SPMIP11: variants seen among roughly 807,000 people sequenced by gnomAD.
SPMIP11 encodes sperm microtubule inner protein 11, also known as long intergenic non-protein coding RNA 935.
At chr12:48,735,389 C>T in the SPMIP11 span, among the ~76,000 whole-genome samples, 2 of 152,188 alleles carry the variant, frequency 1.3e-5, no homozygotes. Flanking sequence ...GGGCAGATCA[C>T]CTGAGGTCAA....
chr12:48,766,628 C>T, the SPMIP11 span: 1 of 152,788 alleles, frequency 6.5e-6, no homozygotes, highest in African/African-American at 2.4e-5. Context: ...AATGAAGTAC[C>T]TGATGGCCCA....
the SPMIP11 span, chr12:48,768,938 T>C: frequency 6.2e-7 from 1 of 1,609,088 alleles, no homozygotes; most frequent in Non-Finnish European, 8.5e-7. Context: ...CCCCCTCACC[T>C]GGATTCGGTC....
chr12:48,729,742 A>G, the SPMIP11 span, among the ~76,000 whole-genome samples: 2 of 151,524 alleles, frequency 1.3e-5, no homozygotes, highest in Admixed American at 6.6e-5. Context: ...GTAAAGAACA[A>G]TCTTACACAG....
the SPMIP11 span, among the ~76,000 whole-genome samples, chr12:48,731,076 G>C: frequency 3.3e-5 from 5 of 152,328 alleles, no homozygotes; most frequent in African/African-American, 1.2e-4. Flanking sequence ...TATTTATGAG[G>C]ACAAATGATG....
the SPMIP11 span, among the ~76,000 whole-genome samples, chr12:48,740,294 A>G: frequency 7.2e-5 from 11 of 152,272 alleles, no homozygotes; most frequent in African/African-American, 2.4e-4. Context: ...TGTCTCTACT[A>G]TAATATCTAT....
the SPMIP11 span, chr12:48,765,010 G>C: frequency 1.0e-5 from 7 of 701,298 alleles, no homozygotes; most frequent in Non-Finnish European, 1.8e-5. Context: ...GGCTGGGAGG[G>C]GTAAGGGTGG....
At chr12:48,732,110 C>G in the SPMIP11 span, among the ~76,000 whole-genome samples, 5,364 of 149,586 alleles carry the variant, frequency 0.036, 143 homozygotes, top group African/African-American at 0.072. Flanking sequence ...GATTGCGCCA[C>G]TGCACTCCAG....
the SPMIP11 span, among the ~76,000 whole-genome samples, chr12:48,764,509 A>T: frequency 6.6e-6 from 1 of 152,176 alleles, no homozygotes; most frequent in African/African-American, 2.4e-5. Flanking sequence ...GATTAAGCCA[A>T]GAAGAAAGAA....
the SPMIP11 span, chr12:48,736,016 T>C: frequency 2.4e-6 from 1 of 417,180 alleles, no homozygotes; most frequent in Non-Finnish European, 4.7e-6. Flanking sequence ...GTCTTACAAC[T>C]ATGTAAAAAA....
the SPMIP11 span, among the ~76,000 whole-genome samples, chr12:48,740,135 C>A: frequency 6.6e-6 from 1 of 151,918 alleles, no homozygotes; most frequent in Non-Finnish European, 1.5e-5. Context: ...GGAAATAAAG[C>A]CAATAAGGTC....
chr12:48,754,576 G>A, the SPMIP11 span, among the ~76,000 whole-genome samples: 15 of 151,966 alleles, frequency 9.9e-5, no homozygotes, highest in South Asian at 2.9e-3. Context: ...TCAGCCTCTC[G>A]AGTAGCTGGG....
chr12:48,761,212 C>T, the SPMIP11 span, among the ~76,000 whole-genome samples: 12 of 151,880 alleles, frequency 7.9e-5, no homozygotes, highest in South Asian at 8.3e-4. Context: ...TTTAGGAAGA[C>T]GAGGCGGGCG....
At chr12:48,741,781 A>G in the SPMIP11 span, among the ~76,000 whole-genome samples, 1 of 152,060 alleles carries the variant, frequency 6.6e-6, no homozygotes, top group South Asian at 2.1e-4. Flanking sequence ...CTGGGACTAC[A>G]GATGCACACC....
chr12:48,752,669 CTTTTTTT>C, the SPMIP11 span, among the ~76,000 whole-genome samples: 8 of 119,294 alleles, frequency 6.7e-5, no homozygotes, highest in African/African-American at 9.7e-5. Context: ...CCTATTTATT[CTTTTTTT>C]TTTTTTTTTT....
the SPMIP11 span, among the ~76,000 whole-genome samples, chr12:48,749,697 T>TC: frequency 1.4e-5 from 2 of 139,624 alleles, no homozygotes; most frequent in Non-Finnish European, 3.2e-5. Context: ...TTCTTCTTCT[T>TC]TTTTTTTTTT....
chr12:48,739,516 T>C, the SPMIP11 span, among the ~76,000 whole-genome samples: 2 of 152,020 alleles, frequency 1.3e-5, no homozygotes, highest in African/African-American at 4.8e-5. Context: ...TGAGACTGAG[T>C]AATTATAAAG....
the SPMIP11 span, among the ~76,000 whole-genome samples, chr12:48,758,921 G>A: frequency 4.6e-5 from 7 of 152,110 alleles, no homozygotes; most frequent in East Asian, 9.6e-4. Context: ...TTTTTCACTT[G>A]GACTAACCCT....
chr12:48,742,731 C>T, the SPMIP11 span, among the ~76,000 whole-genome samples: 1 of 151,432 alleles, frequency 6.6e-6, no homozygotes, highest in Admixed American at 6.6e-5. Flanking sequence ...ACTAAAAATA[C>T]AAAATTAGCC....
At chr12:48,755,596 A>G in the SPMIP11 span, among the ~76,000 whole-genome samples, 1 of 152,320 alleles carries the variant, frequency 6.6e-6, no homozygotes, top group South Asian at 2.1e-4. Flanking sequence ...TGCAAGGTAT[A>G]TGCCAATTGG....
Sources: gnomAD v4.1 joint callset for allele counts (sites outside exome capture counted in the v4.1 genomes callset) on GRCh38, gnomAD v4.1.1 for gene constraint, MANE v1.5 for transcripts, NCBI Gene and HGNC (gene_info 2026-07-23, HGNC 2026-07-21) for gene names.